Variants in SLC41A3 observed in about 807,000 individuals in gnomAD.
SLC41A3 encodes SLC41A1-like 2.
In SLC41A3, 44 loss-of-function variants were observed where a neutral mutation model predicts 45.4. The observed-to-expected ratio is 0.97, with a 90% CI of 0.76 to 1.25. The LOEUF (loss-of-function observed/expected upper bound fraction) is 1.25, where lower values mean the gene tolerates loss of function less well. SLC41A3 is among the 50% of genes most tolerant of loss of function. The probability of loss-of-function intolerance (pLI) is 0.00; values close to 1 mark genes in which losing one functional copy is unlikely to be tolerated. For missense variants in SLC41A3, 550 were observed against 600.6 expected, an observed-to-expected ratio of 0.92 and a Z score of 0.88; for synonymous variants, 256 against 252.4, an observed-to-expected ratio of 1.01 and a Z score of -0.13.
chr3:126,016,592 A>G (rs1940305958), intron 7 of SLC41A3, 139 bp downstream of exon 7: 17 of 1,103,892 alleles, frequency 1.5e-5, no homozygotes, highest in Non-Finnish European at 2.1e-5. Flanking sequence ...TGATTCAATC[A>G]GCAATGGGAG....
At chr3:126,029,921 T>C (rs1941669833) in intron 4 of SLC41A3, among the ~76,000 whole-genome samples, 1 of 151,972 alleles carries the variant, frequency 6.6e-6, no homozygotes, top group South Asian at 2.1e-4. Context: ...ATCATGAATA[T>C]ATAGCAGGAT....
chr3:126,056,396 A>G, intron 2 of SLC41A3: 2 of 1,614,162 alleles, frequency 1.2e-6, no homozygotes, highest in Non-Finnish European at 1.7e-6. Context: ...GTCATCATGC[A>G]CAAGCCGGAC....
intron 2 of SLC41A3, chr3:126,056,768 C>T: frequency 1.4e-6 from 2 of 1,390,856 alleles, no homozygotes; most frequent in Non-Finnish European, 1.9e-6. Flanking sequence ...CAGTGTGACT[C>T]ACGGCCTCAT....
chr3:126,020,142 C>A (rs963423131), intron 6 of SLC41A3, among the ~76,000 whole-genome samples: 2 of 152,164 alleles, frequency 1.3e-5, no homozygotes, highest in Admixed American at 1.3e-4. Flanking sequence ...GGAGCGGCAG[C>A]ATGAGCTGCA....
At chr3:126,077,565 T>C (rs889544543) in intron 1 of SLC41A3, among the ~76,000 whole-genome samples, 1 of 152,184 alleles carries the variant, frequency 6.6e-6, no homozygotes, top group African/African-American at 2.4e-5. Flanking sequence ...ATAGAAAGTA[T>C]ACATCTCTGG....
chr3:126,068,516 C>T (rs1944465489), intron 1 of SLC41A3, among the ~76,000 whole-genome samples: 1 of 152,160 alleles, frequency 6.6e-6, no homozygotes, highest in Non-Finnish European at 1.5e-5. Context: ...AATTCTCTCT[C>T]CTATAAAAGC....
In SLC41A3 at chr3:126,091,848, T is replaced by C. The variant is rs865902665; in HGVS notation, c.-79+9581A>G. On this transcript the variant is annotated intron_variant, in intron 1 of 9. Transcript: ENST00000508835. The stretch of plus-strand genomic sequence containing the variant: ...TGCTATCTGTCATGTTGGTGTCTTA[T>C]TGCTACAAAGAGTCTGCTCTGTCAA... Among the ~76,000 whole-genome samples, 34 of 152,158 alleles carry C rather than the reference T, an allele frequency of 2.2e-4. 2 individuals are homozygous for C. Among genetic ancestry groups the C allele is most frequent in the Admixed American group, 2.2e-3 (33 of 15,270 alleles).
At chr3:126,093,655 G>A (rs1945537901) in intron 1 of SLC41A3, among the ~76,000 whole-genome samples, 1 of 152,218 alleles carries the variant, frequency 6.6e-6, no homozygotes, top group Non-Finnish European at 1.5e-5. Flanking sequence ...ATTACAATGG[G>A]GAAATTCAAA....
chr3:126,060,394 G>A (rs1441781909), intron 2 of SLC41A3, among the ~76,000 whole-genome samples: 1 of 147,674 alleles, frequency 6.8e-6, no homozygotes, highest in African/African-American at 2.5e-5. Context: ...ACTCCAGCCT[G>A]GAAAACAAGA....
At chr3:126,071,104 G>C (rs946257577) in intron 1 of SLC41A3, among the ~76,000 whole-genome samples, 1 of 152,086 alleles carries the variant, frequency 6.6e-6, no homozygotes, top group Non-Finnish European at 1.5e-5. Flanking sequence ...AAAGACATTA[G>C]ACAGACAGAA....
At chr3:126,091,915 C>G (rs918428066) in intron 1 of SLC41A3, among the ~76,000 whole-genome samples, 1 of 152,130 alleles carries the variant, frequency 6.6e-6, no homozygotes, top group Admixed American at 6.5e-5. Context: ...GTCAGCTGTG[C>G]CTGAATCCAA....
intron 2 of SLC41A3, among the ~76,000 whole-genome samples, chr3:126,060,439 T>TACACACACAC (rs60317078): frequency 5.1e-4 from 75 of 146,412 alleles, no homozygotes; most frequent in East Asian, 1.0e-3. Flanking sequence ...GTGAGAAGGA[T>TACACACACAC]ACACACACAC....
At chr3:126,064,101 C>A (rs750082696) in intron 2 of SLC41A3, among the ~76,000 whole-genome samples, 2 of 152,046 alleles carry the variant, frequency 1.3e-5, no homozygotes, top group Non-Finnish European at 2.9e-5. Flanking sequence ...AAGTCTCAGT[C>A]ACCACCAAGA....
intron 3 of SLC41A3, among the ~76,000 whole-genome samples, chr3:126,038,563 CTTTCAA>C (rs1942369549): frequency 6.6e-6 from 1 of 152,200 alleles, no homozygotes; most frequent in Non-Finnish European, 1.5e-5. Flanking sequence ...TTGTTCCTTT[CTTTCAA>C]CTGATTTCTG....
chr3:126,062,917 G>C (rs551935647), intron 2 of SLC41A3, among the ~76,000 whole-genome samples: 2 of 152,100 alleles, frequency 1.3e-5, no homozygotes, highest in Non-Finnish European at 2.9e-5. Context: ...CCCCAGAAAC[G>C]CCTTCATGGA....
chr3:126,006,734 C>T lies in SLC41A3; in HGVS notation c.*282G>A. 1 of 1,446,484 alleles carries T rather than the reference C, an allele frequency of 6.9e-7. No homozygotes were observed. Among genetic ancestry groups the T allele is most frequent in the Non-Finnish European group, 9.1e-7 (1 of 1,104,194 alleles). 89.6% of individuals were successfully genotyped at this position (1,446,484 alleles called of 1,614,324 possible). ...TTCTTTACCTTCTCAGGCCAGAACA[C>T]CCTCCTCTCCACAAACGTGTGCACA... is the stretch of plus-strand genomic sequence containing the variant. On this transcript the variant is annotated 3_prime_UTR_variant, in exon 11 of 11. Coordinates refer to ENST00000360370, the MANE Select transcript of SLC41A3 (RefSeq NM_017836.4).
At chr3:126,090,661 C>A (rs968214629) in intron 1 of SLC41A3, among the ~76,000 whole-genome samples, 6 of 152,060 alleles carry the variant, frequency 3.9e-5, no homozygotes, top group African/African-American at 1.4e-4. Flanking sequence ...CCAAGGAAAC[C>A]AAAATCATGG....
chr3:126,070,758 G>A (rs535414415), intron 1 of SLC41A3, among the ~76,000 whole-genome samples: 6 of 152,186 alleles, frequency 3.9e-5, no homozygotes, highest in East Asian at 3.9e-4. Flanking sequence ...CTTTAAGGCC[G>A]AATTAGGATC....
At chr3:126,047,520 G>T (rs1034908625) in intron 3 of SLC41A3, among the ~76,000 whole-genome samples, 1 of 152,146 alleles carries the variant, frequency 6.6e-6, no homozygotes, top group Non-Finnish European at 1.5e-5. Context: ...TTATTATAAA[G>T]CTACAGTAAT....
Sources: allele counts gnomAD v4.1 joint callset (sites outside exome capture counted in the v4.1 genomes callset), GRCh38; gene constraint gnomAD v4.1.1; transcripts MANE v1.5; gene names NCBI Gene and HGNC (gene_info 2026-07-23, HGNC 2026-07-21).